The following COL24A1 variants were observed in gnomAD, a reference collection of about 807,000 sequenced individuals.
COL24A1 encodes collagen type XXIV alpha 1 chain, also known as collagen alpha-1(XXIV) chain.
A neutral mutation model predicts 253.9 loss-of-function variants in COL24A1; 224 were observed. That is an observed-to-expected ratio of 0.88 (90% CI 0.79 to 0.99). The LOEUF (loss-of-function observed/expected upper bound fraction) is 0.99. Ranked by LOEUF, COL24A1 falls within the 50% of genes least tolerant of loss-of-function variation. The probability of loss-of-function intolerance (pLI) is 0.00; values close to 1 mark genes in which losing one functional copy is unlikely to be tolerated. For missense variants in COL24A1, 2,131 were observed against 2,068.5 expected, an observed-to-expected ratio of 1.03 and a Z score of -0.59; for synonymous variants, 685 against 673.7, an observed-to-expected ratio of 1.02 and a Z score of -0.26.
At chr1:86,139,966 G>C (rs562502483) in intron 2 of COL24A1, among the ~76,000 whole-genome samples, 1 of 152,188 alleles carries the variant, frequency 6.6e-6, no homozygotes, top group South Asian at 2.1e-4. Flanking sequence ...CCTAGCTCCA[G>C]TTCACTGAAT....
chr1:85,879,246 G>GGTGTGTGTGTGTGT (rs5775875), intron 32 of COL24A1, among the ~76,000 whole-genome samples: 53 of 147,222 alleles, frequency 3.6e-4, no homozygotes, highest in African/African-American at 1.2e-3. Flanking sequence ...TCATTTTGAG[G>GGTGTGTGTGTGTGT]GTGTGTGTGT....
intron 32 of COL24A1, among the ~76,000 whole-genome samples, chr1:85,882,319 C>G (rs1219060310): frequency 6.6e-6 from 1 of 152,064 alleles, no homozygotes; most frequent in Non-Finnish European, 1.5e-5. Context: ...AAAAAATTAG[C>G]CGGGCATGGT....
intron 32 of COL24A1, among the ~76,000 whole-genome samples, chr1:85,886,946 C>T (rs11589719): frequency 0.055 from 8,341 of 152,104 alleles, 542 homozygotes; most frequent in Admixed American, 0.19. Context: ...GTACTCTTAT[C>T]TTTTGTTTCC....
chr1:86,046,728 CA>C, intron 12 of COL24A1, 96 bp downstream of exon 12: 2 of 1,458,004 alleles, frequency 1.4e-6, no homozygotes, highest in East Asian at 2.3e-5. Context: ...TAAACAACAA[CA>C]AAAAGCAAAA....
intron 5 of COL24A1, among the ~76,000 whole-genome samples, chr1:86,099,955 A>T (rs1238953035): frequency 3.3e-5 from 5 of 152,132 alleles, no homozygotes; most frequent in Admixed American, 6.6e-5. Flanking sequence ...TATTATTATT[A>T]TACTTTAAGT....
chr1:85,813,261 A>G (rs1570721304), intron 47 of COL24A1, among the ~76,000 whole-genome samples: 1 of 152,096 alleles, frequency 6.6e-6, no homozygotes, highest in East Asian at 1.9e-4. Flanking sequence ...AATAGTGGCT[A>G]TTTTAGGGGG....
chr1:85,997,437 T>C (rs1307692872), intron 19 of COL24A1, among the ~76,000 whole-genome samples: 4 of 152,064 alleles, frequency 2.6e-5, no homozygotes, highest in Non-Finnish European at 5.9e-5. Flanking sequence ...GAAAATGACC[T>C]AAATCTTGCA....
At chr1:86,111,928 C>T (rs894890244) in intron 5 of COL24A1, among the ~76,000 whole-genome samples, 1 of 152,184 alleles carries the variant, frequency 6.6e-6, no homozygotes, top group Admixed American at 6.5e-5. Context: ...AAACTGCGAA[C>T]ATGTCCGAAC....
In COL24A1 at chr1:85,969,496, T is replaced by G. The variant is rs375283100; in HGVS notation, c.2463+731A>C. 1.2e-3 allele frequency among the ~76,000 whole-genome samples: 173 copies of G among 149,372 alleles called. 6 individuals are homozygous for G. In the South Asian group the frequency reaches 0.034, roughly 30 times the overall value. On this transcript the variant is annotated intron_variant, in intron 22 of 59. Coordinates refer to ENST00000370571, the MANE Select transcript of COL24A1 (RefSeq NM_152890.7). ...GGCACATGCCTGTAATTCTAGCTAC[T>G]CGGGAGGCTGAGGCAGGAGAATTGC...
intron 23 of COL24A1, among the ~76,000 whole-genome samples, chr1:85,964,437 T>G (rs111754492): frequency 6.6e-6 from 1 of 152,126 alleles, no homozygotes; most frequent in African/African-American, 2.4e-5. Context: ...GACTTAGTAA[T>G]GTTATAGAAA....
chr1:86,070,751 C>T (rs1488749440), intron 7 of COL24A1, among the ~76,000 whole-genome samples: 1 of 151,898 alleles, frequency 6.6e-6, no homozygotes, highest in African/African-American at 2.4e-5. Flanking sequence ...AGGCTTTAAG[C>T]ATGAAGGAGA....
chr1:86,108,746 G>T (rs1219403101), intron 5 of COL24A1, among the ~76,000 whole-genome samples: 5 of 151,458 alleles, frequency 3.3e-5, no homozygotes, highest in Admixed American at 3.3e-4. Flanking sequence ...GGTGGAGGTT[G>T]CAGTGAGCCG....
Position 85,805,274 on chromosome 1 carries a change from A to G in COL24A1, c.3951+11514T>C, listed in dbSNP as rs546159686. ...CTTGCATGGAAAGTGAAATGGAAAG[A>G]AAGAAATACATGGAAAGAAAAATAA... On this transcript the variant is annotated intron_variant, in intron 47 of 59. Coordinates refer to ENST00000370571, the MANE Select transcript of COL24A1 (RefSeq NM_152890.7). 1.9e-3 allele frequency among the ~76,000 whole-genome samples: 289 copies of G among 152,362 alleles called. 1 individual carries two copies. The highest frequency in any genetic ancestry group is 4.2e-3 in the Admixed American group (64 of 15,304).
At chr1:86,087,051 T>C (rs1234812350) in intron 7 of COL24A1, among the ~76,000 whole-genome samples, 1 of 152,148 alleles carries the variant, frequency 6.6e-6, no homozygotes, top group Non-Finnish European at 1.5e-5. Flanking sequence ...TCTAAATACT[T>C]TCAACTAAAC....
rs990681633 is a variant in COL24A1 at position 86,120,264 on chromosome 1, T to C, written c.1491+4581A>G. 9.9e-5 allele frequency among the ~76,000 whole-genome samples: 15 copies of C among 152,242 alleles called. No individual in the cohort carries two copies. In the South Asian group the frequency reaches 1.9e-3, roughly 19 times the overall value. ...TTTCATGACTTAAACACAAAAGCAA[T>C]GGCAACAAAAGCCAAAATAGACAAA... On this transcript the variant is annotated intron_variant, in intron 3 of 59. Coordinates refer to ENST00000370571, the MANE Select transcript of COL24A1 (RefSeq NM_152890.7).
chr1:85,827,116 T>C (rs780920045), intron 43 of COL24A1, among the ~76,000 whole-genome samples: 1 of 152,202 alleles, frequency 6.6e-6, no homozygotes, highest in Non-Finnish European at 1.5e-5. Context: ...ACCTAATTAA[T>C]GGAGAGTTTT....
chr1:85,782,177 C>G (rs925516597), intron 51 of COL24A1, among the ~76,000 whole-genome samples: 8 of 152,156 alleles, frequency 5.3e-5, no homozygotes, highest in Non-Finnish European at 1.0e-4. Flanking sequence ...ACCTTTGCCT[C>G]CTGGGTTCAA....
intron 19 of COL24A1, among the ~76,000 whole-genome samples, chr1:85,988,261 T>A (rs1693912872): frequency 1.3e-5 from 2 of 152,024 alleles, no homozygotes; most frequent in Non-Finnish European, 2.9e-5. Flanking sequence ...GTTCCATCAT[T>A]AATTAATAAA....
At chr1:86,140,908 A>G (rs1022077787) in intron 2 of COL24A1, among the ~76,000 whole-genome samples, 3 of 152,198 alleles carry the variant, frequency 2.0e-5, no homozygotes, top group African/African-American at 7.2e-5. Context: ...AAAATATACA[A>G]TTTACATCTA....
Sources: gnomAD v4.1 joint callset for allele counts (sites outside exome capture counted in the v4.1 genomes callset) on GRCh38, gnomAD v4.1.1 for gene constraint, MANE v1.5 for transcripts, NCBI Gene and HGNC (gene_info 2026-07-23, HGNC 2026-07-21) for gene names.